AGBL4: variants seen among roughly 807,000 people sequenced by gnomAD.
AGBL4 encodes the protein cytosolic carboxypeptidase 6.
AGBL4 carries 58 observed loss-of-function variants against 66.4 expected under a neutral mutation model. That is an observed-to-expected ratio of 0.87 (90% confidence interval 0.71 to 1.09). The LOEUF is 1.09. Among genes scored for constraint, AGBL4 ranks in the 50% least tolerant of loss-of-function variants. AGBL4 has a pLI of 0.00. For synonymous variants in AGBL4, 234 were observed against 222.9 expected (o/e 1.05, Z -0.44); for missense variants, 579 against 631.0 (o/e 0.92, Z 0.88).
At chr1:48,735,733 C>G (rs1050425835) in intron 6 of AGBL4, among the ~76,000 whole-genome samples, 7 of 152,080 alleles carry the variant, frequency 4.6e-5, no homozygotes, top group African/African-American at 1.7e-4. Flanking sequence ...GCTCCAGGCA[C>G]AATGCTAGAA....
intron 6 of AGBL4, among the ~76,000 whole-genome samples, chr1:48,851,499 C>CT (rs1374261077): frequency 3.9e-5 from 6 of 152,162 alleles, no homozygotes; most frequent in African/African-American, 1.4e-4. Flanking sequence ...ATATGAGATG[C>CT]TTCCCTATGC....
At chr1:49,113,040 C>G (rs1054444857) in intron 4 of AGBL4, among the ~76,000 whole-genome samples, 1 of 151,936 alleles carries the variant, frequency 6.6e-6, no homozygotes, top group Admixed American at 6.6e-5. Flanking sequence ...CGAGCTCTGC[C>G]TCCCAGGTTG....
intron 2 of AGBL4, among the ~76,000 whole-genome samples, chr1:49,708,607 T>C (rs1398208547): frequency 6.6e-6 from 1 of 151,990 alleles, no homozygotes; most frequent in Non-Finnish European, 1.5e-5. Context: ...TGGCGAGGAG[T>C]TGTGATCCTT....
chr1:48,844,098 T>C, intron 6 of AGBL4, among the ~76,000 whole-genome samples: 1 of 152,132 alleles, frequency 6.6e-6, no homozygotes, highest in East Asian at 1.9e-4. Context: ...CTTTGTCAGG[T>C]TGTCTATCCA....
chr1:49,504,061 T>C (rs1021340336), intron 3 of AGBL4, among the ~76,000 whole-genome samples: 5 of 152,068 alleles, frequency 3.3e-5, no homozygotes, highest in African/African-American at 1.2e-4. Context: ...TCCCCACAAA[T>C]CAAGGGTGGG....
intron 3 of AGBL4, among the ~76,000 whole-genome samples, chr1:49,544,722 G>T (rs187643442): frequency 6.6e-6 from 1 of 152,330 alleles, no homozygotes; most frequent in Non-Finnish European, 1.5e-5. Context: ...CTGAGGTTCA[G>T]ATTAGTCTGG....
At chr1:49,530,258 G>GAAAAAAAAAAAAAAAAAAAAA (rs1650992329) in intron 3 of AGBL4, among the ~76,000 whole-genome samples, 1 of 21,154 alleles carries the variant, frequency 4.7e-5, no homozygotes, top group Non-Finnish European at 1.1e-4. Flanking sequence ...AGTAGAATTT[G>GAAAAAAAAAAAAAAAAAAAAA]TAAAAAAAAA....
At chr1:48,896,209 A>T (rs931198669) in intron 5 of AGBL4, among the ~76,000 whole-genome samples, 2 of 152,146 alleles carry the variant, frequency 1.3e-5, no homozygotes, top group Non-Finnish European at 2.9e-5. Flanking sequence ...GGTATCTGCA[A>T]GTTCTTTTTA....
At chr1:49,948,798 CA>C (rs1423051718) in intron 1 of AGBL4, among the ~76,000 whole-genome samples, 2 of 151,200 alleles carry the variant, frequency 1.3e-5, no homozygotes, top group Admixed American at 1.3e-4. Context: ...CAATTCCCAT[CA>C]AAATATCACC....
chr1:49,286,359 C>T (rs1644409536), intron 3 of AGBL4, among the ~76,000 whole-genome samples: 1 of 151,410 alleles, frequency 6.6e-6, no homozygotes, highest in African/African-American at 2.4e-5. Context: ...AAGTTCTGGC[C>T]AGGGCAATTA....
chr1:48,858,221 A>G (rs1647228780), intron 6 of AGBL4, among the ~76,000 whole-genome samples: 1 of 152,210 alleles, frequency 6.6e-6, no homozygotes, highest in African/African-American at 2.4e-5. Flanking sequence ...ACTGTCCTCC[A>G]CTGATGATGG....
intron 2 of AGBL4, among the ~76,000 whole-genome samples, chr1:49,753,309 A>C (rs1168951078): frequency 6.6e-6 from 1 of 152,174 alleles, no homozygotes; most frequent in East Asian, 1.9e-4. Flanking sequence ...GAAGGATTTT[A>C]TTTCTCCTTT....
intron 4 of AGBL4, among the ~76,000 whole-genome samples, chr1:49,185,911 T>C (rs754899760): frequency 1.9e-4 from 29 of 152,088 alleles, no homozygotes; most frequent in Non-Finnish European, 1.5e-4. Context: ...AATGCCCAGG[T>C]GACCAGCCAA....
chr1:49,467,270 G>A (rs929789503), intron 3 of AGBL4, among the ~76,000 whole-genome samples: 1 of 151,818 alleles, frequency 6.6e-6, no homozygotes, highest in Non-Finnish European at 1.5e-5. Context: ...GCAATCTTGG[G>A]TATCTGCTTT....
chr1:49,276,344 C>A (rs1172467495), intron 3 of AGBL4, among the ~76,000 whole-genome samples: 1 of 152,096 alleles, frequency 6.6e-6, no homozygotes, highest in Non-Finnish European at 1.5e-5. Context: ...CCAAAACTCT[C>A]CAAAACTATC....
At chr1:49,227,828 A>C (rs953302632) in intron 4 of AGBL4, among the ~76,000 whole-genome samples, 1 of 152,174 alleles carries the variant, frequency 6.6e-6, no homozygotes, top group African/African-American at 2.4e-5. Context: ...GCAGTGCCCT[A>C]TTCTCTAATC....
chr1:49,732,134 C>T (rs1406956656), intron 2 of AGBL4, among the ~76,000 whole-genome samples: 1 of 152,134 alleles, frequency 6.6e-6, no homozygotes, highest in Non-Finnish European at 1.5e-5. Context: ...AACTGGCTAG[C>T]AAGAAAGGGT....
At chr1:48,965,396 G>A (rs530422568) in intron 5 of AGBL4, among the ~76,000 whole-genome samples, 1 of 152,140 alleles carries the variant, frequency 6.6e-6, no homozygotes, top group Non-Finnish European at 1.5e-5. Context: ...TTCAAGAAAA[G>A]GAAAAACACA....
intron 3 of AGBL4, among the ~76,000 whole-genome samples, chr1:49,392,073 G>A (rs1394738437): frequency 2.0e-5 from 3 of 152,118 alleles, no homozygotes; most frequent in Non-Finnish European, 2.9e-5. Flanking sequence ...AGGTGATAAA[G>A]CAACAGATGC....
Sources: allele counts gnomAD v4.1 joint callset (sites outside exome capture counted in the v4.1 genomes callset), GRCh38; gene constraint gnomAD v4.1.1; transcripts MANE v1.5; gene names NCBI Gene and HGNC (gene_info 2026-07-23, HGNC 2026-07-21).